Variants in ZNF160 observed in about 807,000 individuals in gnomAD.
ZNF160 encodes the protein KRAB zinc finger protein KR18.
A neutral mutation model predicts 13.1 loss-of-function variants in ZNF160; 9 were observed. The ratio of observed to expected loss-of-function variants is 0.69; its 90% CI spans 0.41 to 1.20. The LOEUF is 1.20. Ranked by LOEUF, ZNF160 falls within the 50% of genes most tolerant of loss-of-function variation. The probability of loss-of-function intolerance (pLI) is 0.01; values close to 1 mark genes in which losing one functional copy is unlikely to be tolerated. For synonymous variants in ZNF160, 293 were observed against 333.2 expected, an observed-to-expected ratio of 0.88 and a Z score of 1.31; for missense variants, 838 against 988.0, an observed-to-expected ratio of 0.85 and a Z score of 2.04.
chr19:53,073,169 T>C, intron 5 of ZNF160: 1 of 1,407,128 alleles, frequency 7.1e-7, no homozygotes, highest in Non-Finnish European at 9.2e-7. Context: ...TTCTACTCTT[T>C]GCTGCTATTA....
At chr19:53,095,637 G>A (rs564344093) in intron 1 of ZNF160, 1 of 152,230 alleles carries the variant, frequency 6.6e-6, no homozygotes, top group Non-Finnish European at 1.5e-5. Context: ...CATGAGAGAT[G>A]ACTCCAGAGT....
chr19:53,083,518 A>G (rs329697), intron 3 of ZNF160, among the ~76,000 whole-genome samples: 137,438 of 152,054 alleles, frequency 0.9, 62,347 homozygotes, highest in African/African-American at 0.97. Context: ...TAAACTGAAC[A>G]AATAATTGAG....
chr19:53,068,542 T>C lies in ZNF160; in HGVS notation c.1992A>G (p.Leu664=), dbSNP rs1255386951. ...CAGTATGGATGACCTTATGGGTAGT[T>C]AGGTTTGAATGCATACTAAAGGCTT... The part of the protein sequence containing the change: ...CGKAFSMHSN[L]TTHKVIHTGE... Residue 664 remains leucine, a synonymous_variant, in exon 6 of 6, where the codon CTA becomes CTG. Coordinates refer to ENST00000683776, the MANE Select transcript of ZNF160 (RefSeq NM_001322131.2). The C allele has an allele frequency of 6.2e-7, 1 of 1,614,018 alleles. No homozygotes were observed. Among genetic ancestry groups the C allele is most frequent in the African/African-American group, 1.3e-5 (1 of 74,904 alleles).
chr19:53,087,804 G>A (rs925816747), intron 2 of ZNF160, among the ~76,000 whole-genome samples: 11 of 152,116 alleles, frequency 7.2e-5, no homozygotes, highest in East Asian at 5.8e-4. Context: ...CGCCTGCCTC[G>A]GCCTCCCAAA....
intron 3 of ZNF160, chr19:53,075,562 C>G: frequency 2.9e-6 from 1 of 350,288 alleles, no homozygotes; most frequent in South Asian, 2.2e-5. Context: ...TTCAGTTGAT[C>G]ACCAATGCCA....
intron 5 of ZNF160, among the ~76,000 whole-genome samples, chr19:53,071,802 C>T (rs958999030): frequency 2.0e-5 from 3 of 152,080 alleles, no homozygotes; most frequent in Non-Finnish European, 4.4e-5. Context: ...TGGCCAAAAA[C>T]ATATGGCTAT....
chr19:53,101,054 G>C (rs2085430615), intron 1 of ZNF160, among the ~76,000 whole-genome samples: 1 of 152,040 alleles, frequency 6.6e-6, no homozygotes, highest in Non-Finnish European at 1.5e-5. Flanking sequence ...CGAGACAGGT[G>C]GATCACTTGA....
chr19:53,089,365 T>C (rs906129439), intron 2 of ZNF160, among the ~76,000 whole-genome samples: 8 of 152,120 alleles, frequency 5.3e-5, no homozygotes, highest in Non-Finnish European at 1.0e-4. Flanking sequence ...CTGTGTGGAG[T>C]GTTCACTATT....
rs143778094 is a variant in ZNF160 at position 53,086,016 on chromosome 19, G to A, written c.15+246C>T. On this transcript the variant is annotated intron_variant, in intron 3 of 5. Transcript: ENST00000683776. The stretch of plus-strand genomic sequence containing the variant: ...ACTGACACCACAGGACCCTCACCCC[G>A]TCTCCATCCATGTCTGGGTGTGAGC... The A allele has an allele frequency of 1.3e-3, 1,790 of 1,417,166 alleles. 15 individuals are homozygous for A. The African/African-American group carries it at 0.022, about 17-fold the overall frequency. The allele number at this position is 1,417,166 out of a possible 1,614,324, so 87.8% of individuals were successfully genotyped here.
At chr19:53,089,043 T>G (rs2084943867) in intron 2 of ZNF160, among the ~76,000 whole-genome samples, 1 of 152,218 alleles carries the variant, frequency 6.6e-6, no homozygotes, top group Non-Finnish European at 1.5e-5. Flanking sequence ...TTATAATAAA[T>G]GAGTAAACTA....
chr19:53,082,645 G>A (rs2084676982), intron 3 of ZNF160, among the ~76,000 whole-genome samples: 1 of 152,178 alleles, frequency 6.6e-6, no homozygotes, highest in Admixed American at 6.5e-5. Context: ...ACTCCAGCCT[G>A]GACAACAGAG....
chr19:53,076,564 A>G (rs2084398642), intron 3 of ZNF160, among the ~76,000 whole-genome samples: 1 of 152,116 alleles, frequency 6.6e-6, no homozygotes, highest in African/African-American at 2.4e-5. Context: ...ACTTAAACCC[A>G]GGAGGTAGAA....
rs1029860962 is a variant in ZNF160 at position 53,075,042 on chromosome 19, GA to G, written c.142+14del. 1 of 1,613,878 alleles carries G rather than the reference GA, an allele frequency of 6.2e-7. No individual in the cohort carries two copies. The highest frequency in any genetic ancestry group is 1.3e-5 in the African/African-American group (1 of 74,916). ...CAAGAACAGATCTTGACTTCTGGAAGAAAGTCATCCTCACCCAGAGAAACAA... is the reference window on the plus strand; with the variant it reads ...CAAGAACAGATCTTGACTTCTGGAAGAAGTCATCCTCACCCAGAGAAACAA... On this transcript the variant is annotated intron_variant, in intron 4 of 5. Transcript: ENST00000683776.
At chr19:53,089,894 T>C (rs2084971096) in intron 2 of ZNF160, among the ~76,000 whole-genome samples, 2 of 151,282 alleles carry the variant, frequency 1.3e-5, no homozygotes, top group African/African-American at 4.9e-5. Context: ...TTTCTCCCCT[T>C]CTTCCCTCCA....
At chr19:53,086,991 C>T (rs146492302) in intron 2 of ZNF160, among the ~76,000 whole-genome samples, 2 of 152,246 alleles carry the variant, frequency 1.3e-5, no homozygotes, top group East Asian at 3.9e-4. Flanking sequence ...CAACATGGAC[C>T]AGAGGTGGGG....
intron 2 of ZNF160, among the ~76,000 whole-genome samples, chr19:53,086,721 T>C (rs531189043): frequency 3.3e-5 from 5 of 152,268 alleles, no homozygotes; most frequent in African/African-American, 1.2e-4. Flanking sequence ...TGATTGGTAC[T>C]ATGCTGGCTA....
At position 53,067,686 on chromosome 19, in the gene ZNF160, A is replaced by G. The variant is rs1317217357; in HGVS notation, c.*391T>C. The stretch of plus-strand genomic sequence containing the variant: ...TACAAATATCCTGCAACCTTTTCGT[A>G]TGTGAGTTAAAAATATATAATTTTT... On this transcript the variant is annotated 3_prime_UTR_variant, in exon 6 of 6. Transcript: ENST00000683776. The G allele has an allele frequency of 6.1e-6, 1 of 162,670 alleles. No individual in the cohort carries two copies. The highest frequency in any genetic ancestry group is 1.3e-5 in the Non-Finnish European group (1 of 75,420). The allele number at this position is 162,670 out of a possible 1,614,324, so 10.1% of individuals were successfully genotyped here.
At chr19:53,079,841 T>C (rs887414591) in intron 3 of ZNF160, among the ~76,000 whole-genome samples, 2 of 151,998 alleles carry the variant, frequency 1.3e-5, no homozygotes, top group Non-Finnish European at 2.9e-5. Context: ...ATCACATCAC[T>C]GTGGGAGGCC....
chr19:53,072,416 C>T (rs1269796428), intron 5 of ZNF160, among the ~76,000 whole-genome samples: 2 of 152,144 alleles, frequency 1.3e-5, no homozygotes, highest in African/African-American at 2.4e-5. Flanking sequence ...TTATATTTCA[C>T]AATACCTGCT....
Sources: allele counts gnomAD v4.1 joint callset (sites outside exome capture counted in the v4.1 genomes callset), GRCh38; gene constraint gnomAD v4.1.1; transcripts MANE v1.5; gene names NCBI Gene and HGNC (gene_info 2026-07-23, HGNC 2026-07-21).